Variants in OGG1 observed in about 807,000 individuals in gnomAD.
The protein encoded by OGG1 is 8-oxoguanine DNA glycosylase.
Under a neutral mutation model 42.3 loss-of-function variants are expected in OGG1, and 35 were observed. The ratio of observed to expected loss-of-function variants is 0.83; its 90% CI spans 0.63 to 1.10. The LOEUF (loss-of-function observed/expected upper bound fraction) is 1.10. Among genes scored for constraint, OGG1 ranks in the 50% least tolerant of loss-of-function variants. OGG1 has a pLI of 0.00. For missense variants in OGG1, 484 were observed against 446.7 expected (o/e 1.08, Z -0.75); for synonymous variants, 189 against 179.0 (o/e 1.06, Z -0.44).
chr3:9,762,532 A>G (rs529476860), intron 7 of OGG1, among the ~76,000 whole-genome samples: 1 of 152,150 alleles, frequency 6.6e-6, no homozygotes, highest in South Asian at 2.1e-4. Flanking sequence ...ATCTGCCACC[A>G]CGCCGGGCTA....
chr3:9,765,890 C>T (rs906163122), exon 8 of OGG1: 3 of 1,614,050 alleles, frequency 1.9e-6, no homozygotes, highest in African/African-American at 1.3e-5. Context: ...AGAAGGCCCC[C>T]CTATCGGGAG....
chr3:9,751,071 C>G lies in OGG1; in HGVS notation c.264C>G (p.Pro88=). Residue 88 remains proline, a synonymous_variant, in exon 2 of 7, where the codon CCC becomes CCG. Coordinates refer to ENST00000344629, the MANE Select transcript of OGG1 (RefSeq NM_002542.6). ...YRGDKSQASR[P]TPDELEAVRK... is the part of the protein sequence containing the mutation. ...GAGACAAGAGCCAGGCTAGCAGGCC[C>G]ACACCAGACGAGCTGGAGGCCGTGC... is the stretch of plus-strand genomic sequence containing the variant. The G allele has an allele frequency of 1.2e-6, 2 of 1,613,932 alleles. No homozygotes were observed. Among genetic ancestry groups the G allele is most frequent in the Non-Finnish European group, 1.7e-6 (2 of 1,179,932 alleles).
chr3:9,758,053 GTATC>G (rs1201318331), downstream of OGG1: 7 of 647,320 alleles, frequency 1.1e-5, no homozygotes, highest in East Asian at 2.1e-4. Context: ...AGATGTATGT[GTATC>G]TATATATATA....
exon 4 of OGG1, chr3:9,787,762 AGAG>A: frequency 8.1e-7 from 1 of 1,238,410 alleles, no homozygotes; most frequent in Non-Finnish European, 1.1e-6. Flanking sequence ...GTGAAGTGAA[AGAG>A]AGAGATCAAA....
intron 2 of OGG1, among the ~76,000 whole-genome samples, chr3:9,780,763 G>A (rs1395307545): frequency 6.6e-6 from 1 of 152,216 alleles, no homozygotes; most frequent in Non-Finnish European, 1.5e-5. Flanking sequence ...GGGGGAGGCT[G>A]TGCACATGTG....
rs371427405 is a variant in OGG1 at position 9,787,346 on chromosome 3, G to T, written c.383-382G>T. 42 of 1,604,280 alleles carry T rather than the reference G, an allele frequency of 2.6e-5. No homozygotes were observed. In the African/African-American group the frequency reaches 5.1e-4, roughly 19 times the overall value. On this transcript the variant is annotated intron_variant, in intron 3 of 3. Coordinates refer to the OGG1 transcript ENST00000426518. ...TGCTTCCCCAGGGGTGGGATCTGTG[G>T]AAAAGATGGCACCCAACCCTGAGTG... is the stretch of plus-strand genomic sequence containing the variant.
In OGG1 at chr3:9,771,792, C is replaced by T. The variant is rs1483044439; in HGVS notation, c.295-9721C>T. ...GGTGATAAGATGACCTCTGTCCTTTCGAGGACTTGTACAACTTCTTTTTTT... is the reference window on the plus strand; with the variant it reads ...GGTGATAAGATGACCTCTGTCCTTTTGAGGACTTGTACAACTTCTTTTTTT... On this transcript the variant is annotated intron_variant, in intron 2 of 3. Coordinates refer to the OGG1 transcript ENST00000426518. Among the ~76,000 whole-genome samples, 10 of 143,066 alleles carry T rather than the reference C, an allele frequency of 7.0e-5. No individual in the cohort carries two copies. The South Asian group carries it at 9.2e-4, about 13-fold the overall frequency. The allele number at this position is 143,066 out of a possible 152,430, so 93.9% of individuals were successfully genotyped here.
chr3:9,780,874 C>T (rs2078444385), intron 2 of OGG1, among the ~76,000 whole-genome samples: 1 of 152,166 alleles, frequency 6.6e-6, no homozygotes, highest in Non-Finnish European at 1.5e-5. Flanking sequence ...CATGGGGGTT[C>T]ACATCTGCAG....
At position 9,753,351 on chromosome 3, in the gene OGG1, C is replaced by CAA. The variant is rs56205013; in HGVS notation, c.566-1338_566-1337dup. Among the ~76,000 whole-genome samples the CAA allele has an allele frequency of 3.8e-3, 278 of 73,072 alleles. 1 individual carries two copies. The highest frequency in any genetic ancestry group is 0.013 in the African/African-American group (266 of 19,946). 47.9% of individuals were successfully genotyped at this position (73,072 alleles called of 152,430 possible). A position where few individuals can be genotyped will look rare whatever the true frequency, so the allele number is the denominator to read the frequency against. ...AGGGCGACAGGGCGAGACTCCGTCT[C>CAA]AAAAAAAAAAAAAAAACCTGGCCGG... is the stretch of plus-strand genomic sequence containing the variant. On this transcript the variant is annotated intron_variant, in intron 3 of 6. Transcript: ENST00000344629.
downstream of OGG1, among the ~76,000 whole-genome samples, chr3:9,769,662 T>A (rs555906059): frequency 7.2e-5 from 11 of 152,280 alleles, no homozygotes; most frequent in African/African-American, 1.9e-4. Context: ...GCCTGGCACC[T>A]GCTGGGCCTG....
At chr3:9,759,681 T>A, downstream of OGG1, 1 of 1,614,224 alleles carries the variant, frequency 6.2e-7, no homozygotes. Flanking sequence ...CCATGGGTGC[T>A]GCAAGGCCTG....
intron 3 of OGG1, chr3:9,783,781 AAAAAACAAAAC>A (rs1359955197): frequency 3.1e-6 from 2 of 645,638 alleles, no homozygotes; most frequent in Non-Finnish European, 4.6e-6. Flanking sequence ...CCCTCTCAAA[AAAAAACAAAAC>A]AAAAACAAAT....
chr3:9,767,704 T>G, downstream of OGG1: 2 of 1,614,096 alleles, frequency 1.2e-6, no homozygotes, highest in Non-Finnish European at 1.7e-6. Flanking sequence ...ATGTCTCTAA[T>G]GTCCTCCGCC....
At chr3:9,782,133 C>T (rs2078483657) in intron 3 of OGG1, among the ~76,000 whole-genome samples, 1 of 152,176 alleles carries the variant, frequency 6.6e-6, no homozygotes, top group Non-Finnish European at 1.5e-5. Flanking sequence ...CCACCAGGCC[C>T]AGCTAGGGCC....
chr3:9,762,821 A>G (rs1328465860), intron 7 of OGG1: 28 of 1,237,686 alleles, frequency 2.3e-5, no homozygotes, highest in Non-Finnish European at 2.9e-5. Flanking sequence ...AGGCTCAGTG[A>G]GGGGGTGAAA....
At chr3:9,762,821 A>AG in intron 7 of OGG1, 2 of 1,237,806 alleles carry the variant, frequency 1.6e-6, no homozygotes, top group Non-Finnish European at 2.3e-6. Flanking sequence ...AGGCTCAGTG[A>AG]GGGGGTGAAA....
chr3:9,785,573 C>G (rs915464326), intron 3 of OGG1: 1 of 583,188 alleles, frequency 1.7e-6, no homozygotes, highest in Non-Finnish European at 3.1e-6. Flanking sequence ...CATACCAATC[C>G]CAAATTGCTT....
downstream of OGG1, chr3:9,761,230 G>C: frequency 2.1e-6 from 1 of 478,830 alleles, no homozygotes; most frequent in Non-Finnish European, 3.7e-6. Context: ...AGCTCCCTGA[G>C]GGCAGGCACT....
chr3:9,783,065 A>G (rs985418601), intron 3 of OGG1: 2 of 152,224 alleles, frequency 1.3e-5, no homozygotes, highest in African/African-American at 4.8e-5. Flanking sequence ...ACACTGGTCA[A>G]TTTCTTGTGA....
Sources: allele counts gnomAD v4.1 joint callset (sites outside exome capture counted in the v4.1 genomes callset), GRCh38; gene constraint gnomAD v4.1.1; transcripts MANE v1.5; gene names NCBI Gene and HGNC (gene_info 2026-07-23, HGNC 2026-07-21).